The following DPP6 variants were observed in gnomAD, a reference collection of about 807,000 sequenced individuals.
DPP6 encodes dipeptidyl peptidase like 6.
A neutral mutation model predicts 122.6 loss-of-function variants in DPP6; 69 were observed. The observed-to-expected ratio is 0.56, with a 90% CI of 0.46 to 0.69. The LOEUF (loss-of-function observed/expected upper bound fraction) is 0.69, where lower values mean the gene tolerates loss of function less well. DPP6 is among the 30% of genes least tolerant of loss of function. The pLI is 0.00. For synonymous variants in DPP6, 418 were observed against 433.1 expected (o/e 0.97, Z 0.43); for missense variants, 928 against 1,116.9 (o/e 0.83, Z 2.41).
At chr7:153,871,789 G>A in the DPP6 span, among the ~76,000 whole-genome samples, 1 of 152,090 alleles carries the variant, frequency 6.6e-6, no homozygotes. Flanking sequence ...CGGCCATCTT[G>A]GCTCCACCCC....
At chr7:154,855,979 T>C (rs118181099) in intron 17 of DPP6, among the ~76,000 whole-genome samples, 5,442 of 152,274 alleles carry the variant, frequency 0.036, 128 homozygotes, top group Middle Eastern at 0.051. Flanking sequence ...CTCACAGCAT[T>C]GCAGCCTCCC....
rs142348748 is a variant in DPP6, at chr7:154,548,971, C to T, written c.552+8345C>T. On this transcript the variant is annotated intron_variant, in intron 4 of 25. Transcript: ENST00000377770. ...AAAATGAAAAGGGTGGATAATTCCA[C>T]ATTTCAGGGGTAGACAGTGCGGTTA... Among the ~76,000 whole-genome samples the T allele has an allele frequency of 6.9e-3, 1,047 of 152,204 alleles. 9 individuals are homozygous for T. Among genetic ancestry groups the T allele is most frequent in the Middle Eastern group, 0.024 (7 of 294 alleles).
At chr7:154,142,718 A>C (rs2150665460) in intron 1 of DPP6, among the ~76,000 whole-genome samples, 1 of 151,908 alleles carries the variant, frequency 6.6e-6, no homozygotes, top group East Asian at 1.9e-4. Flanking sequence ...AAATTAAATT[A>C]ATATGACCTT....
At chr7:154,686,193 A>G (rs993863524) in intron 7 of DPP6, among the ~76,000 whole-genome samples, 2 of 152,204 alleles carry the variant, frequency 1.3e-5, no homozygotes, top group African/African-American at 4.8e-5. Context: ...CCCGGGTCAC[A>G]TATCAGGGAT....
At chr7:154,881,233 G>A (rs527985669) in intron 21 of DPP6, 1 of 403,160 alleles carries the variant, frequency 2.5e-6, no homozygotes, top group South Asian at 1.1e-4. Flanking sequence ...TCCATCTGCT[G>A]TAGCTCTTGG....
In DPP6 at chr7:154,863,871, T is replaced by C. The variant is rs543637720; in HGVS notation, c.1715-4124T>C. Among the ~76,000 whole-genome samples the C allele has an allele frequency of 6.6e-6, 1 of 151,702 alleles. No homozygotes were observed. Among genetic ancestry groups the C allele is most frequent in the South Asian group, 2.1e-4 (1 of 4,816 alleles). Reference sequence around the variant, plus strand: ...AGTTAAGGTGAGTAAGTTTAAACAGTAGTCATGCGGGCTCTGGGCCTGAAT... The same window carrying C: ...AGTTAAGGTGAGTAAGTTTAAACAGCAGTCATGCGGGCTCTGGGCCTGAAT... On this transcript the variant is annotated intron_variant, in intron 17 of 25. Coordinates refer to ENST00000377770, the MANE Select transcript of DPP6 (RefSeq NM_130797.4). The surrounding 1 kb of genome is among the most constrained non-coding windows in gnomAD (Gnocchi z 4.1).
intron 20 of DPP6, among the ~76,000 whole-genome samples, chr7:154,880,274 G>A (rs2150669275): frequency 6.6e-6 from 1 of 152,322 alleles, no homozygotes; most frequent in Admixed American, 6.5e-5. Context: ...GACCCAGGCA[G>A]CACTGGCCCA....
chr7:153,827,965 G>C, the DPP6 span, among the ~76,000 whole-genome samples: 10 of 152,174 alleles, frequency 6.6e-5, no homozygotes, highest in Non-Finnish European at 4.4e-5. Flanking sequence ...CGGAGATAAC[G>C]AGGCCCCTGC....
chr7:153,763,854 T>C, the DPP6 span, among the ~76,000 whole-genome samples: 1 of 152,202 alleles, frequency 6.6e-6, no homozygotes, highest in African/African-American at 2.4e-5. Flanking sequence ...TAGGCATCTA[T>C]TTTCTTGCAA....
chr7:154,184,682 G>GAA (rs11317493), intron 1 of DPP6, among the ~76,000 whole-genome samples: 102 of 139,954 alleles, frequency 7.3e-4, no homozygotes, highest in Admixed American at 1.8e-3. Flanking sequence ...TTAATTTCTG[G>GAA]AAAAAAAAAA....
chr7:153,846,984 G>A, the DPP6 span, among the ~76,000 whole-genome samples: 2 of 152,050 alleles, frequency 1.3e-5, no homozygotes, highest in Non-Finnish European at 2.9e-5. Context: ...ACCGTGCCTG[G>A]CTGGTTCTTT....
chr7:154,716,729 C>A (rs999027366), intron 7 of DPP6, among the ~76,000 whole-genome samples: 2 of 146,992 alleles, frequency 1.4e-5, no homozygotes, highest in East Asian at 3.9e-4. Flanking sequence ...CAAGATAGCT[C>A]AATATATTAT....
chr7:153,818,878 A>G, the DPP6 span, among the ~76,000 whole-genome samples: 431 of 151,818 alleles, frequency 2.8e-3, 1 homozygote, highest in African/African-American at 1.0e-2. Context: ...CAGCCTCCCA[A>G]GTAGCTGGGA....
At position 154,582,948 on chromosome 7, in the gene DPP6, C is replaced by T. The variant is rs186377417; in HGVS notation, c.627+16032C>T. Reference sequence around the variant, plus strand: ...CTTCCCCATGTTATCCATTAGGAGACGGGCTTTGGGAGATTGCAAGGTTTC... The same window carrying T: ...CTTCCCCATGTTATCCATTAGGAGATGGGCTTTGGGAGATTGCAAGGTTTC... On this transcript the variant is annotated intron_variant, in intron 5 of 25. Transcript: ENST00000377770. Among the ~76,000 whole-genome samples the T allele has an allele frequency of 2.2e-3, 339 of 152,230 alleles. 5 individuals are homozygous for T. The highest frequency in any genetic ancestry group is 0.019 in the Admixed American group (295 of 15,260).
rs534242396 is a variant in DPP6 at position 154,733,735 on chromosome 7, C to T, written c.883+5848C>T. 5.3e-5 allele frequency among the ~76,000 whole-genome samples: 8 copies of T among 152,258 alleles called. No homozygotes were observed. The South Asian group carries it at 1.5e-3, about 28-fold the overall frequency. ...ACACATTATTAAAATGAAAGCCCTCCTGGGGATCGTGGAATGGTTTTCAGG... is the reference window on the plus strand; with the variant it reads ...ACACATTATTAAAATGAAAGCCCTCTTGGGGATCGTGGAATGGTTTTCAGG... On this transcript the variant is annotated intron_variant, in intron 8 of 25. Coordinates refer to ENST00000377770, the MANE Select transcript of DPP6 (RefSeq NM_130797.4).
intron 1 of DPP6, among the ~76,000 whole-genome samples, chr7:154,432,554 C>T (rs1295561332): frequency 2.0e-5 from 3 of 152,118 alleles, no homozygotes; most frequent in Non-Finnish European, 2.9e-5. Context: ...CCTTCTCCAT[C>T]GGGACCGAAA....
chr7:153,989,243 G>T, intron 1 of DPP6, among the ~76,000 whole-genome samples: 1 of 135,302 alleles, frequency 7.4e-6, no homozygotes, highest in Non-Finnish European at 1.6e-5. Flanking sequence ...GTCACAGTGT[G>T]TGTCACTGAG....
intron 16 of DPP6, among the ~76,000 whole-genome samples, chr7:154,819,923 C>T (rs1358324848): frequency 4.6e-5 from 7 of 152,116 alleles, no homozygotes; most frequent in Non-Finnish European, 4.4e-5. Flanking sequence ...TAGATGCTGC[C>T]GCCTCCCATT....
chr7:154,707,551 G>A (rs960747628), intron 7 of DPP6, among the ~76,000 whole-genome samples: 3 of 152,242 alleles, frequency 2.0e-5, no homozygotes, highest in African/African-American at 7.2e-5. Context: ...TCAGCACCTC[G>A]CCAGGTCCAT....
Sources: allele counts gnomAD v4.1 joint callset (sites outside exome capture counted in the v4.1 genomes callset), GRCh38; gene constraint gnomAD v4.1.1; non-coding constraint Gnocchi (gnomAD v3.1); transcripts MANE v1.5; gene names NCBI Gene and HGNC (gene_info 2026-07-23, HGNC 2026-07-21).